The following CTPS2 variants were observed in gnomAD, a reference collection of about 807,000 sequenced individuals.
The protein encoded by CTPS2 is CTP synthase 2, also known as CTP synthase II.
In CTPS2, 19 loss-of-function variants were observed where a neutral mutation model predicts 46.8. The observed-to-expected ratio is 0.41, with a 90% CI of 0.28 to 0.60. The LOEUF (loss-of-function observed/expected upper bound fraction) is 0.60, where lower values mean the gene tolerates loss of function less well. Among genes scored for constraint, CTPS2 ranks in the 20% least tolerant of loss-of-function variants. The pLI is 0.35. For missense variants in CTPS2, 286 were observed against 447.6 expected, an observed-to-expected ratio of 0.64 and a Z score of 3.26; for synonymous variants, 151 against 165.2, an observed-to-expected ratio of 0.91 and a Z score of 0.66.
chrX:16,688,372 C>T (rs2147349307), intron 8 of CTPS2, among the ~76,000 whole-genome samples: 1 of 109,275 alleles, frequency 9.2e-6, no homozygotes, highest in Admixed American at 9.9e-5. Flanking sequence ...TGCACTCCAG[C>T]CTGGGCGACA....
chrX:16,699,560 C>G (rs1166741855), intron 2 of CTPS2, among the ~76,000 whole-genome samples: 1 of 112,578 alleles, frequency 8.9e-6, no homozygotes, highest in East Asian at 2.8e-4. Flanking sequence ...GGGAAAAAGC[C>G]TGTGTGTGCC....
At chrX:16,599,014 C>A (rs920436891) in intron 17 of CTPS2, among the ~76,000 whole-genome samples, 7 of 112,037 alleles carry the variant, frequency 6.2e-5, no homozygotes, top group Non-Finnish European at 1.9e-5. Flanking sequence ...AACAACCCTT[C>A]ATGCTAAAAA....
At chrX:16,610,836 T>C (rs1416481757) in intron 16 of CTPS2, among the ~76,000 whole-genome samples, 2 of 112,584 alleles carry the variant, frequency 1.8e-5, no homozygotes, top group Non-Finnish European at 3.7e-5. Flanking sequence ...GTGGCACATA[T>C]ATACCATGGA....
chrX:16,655,486 A>T (rs868030350), intron 13 of CTPS2, among the ~76,000 whole-genome samples: 10 of 111,456 alleles, frequency 9.0e-5, no homozygotes, highest in African/African-American at 3.3e-4. Context: ...CAGAGGAGGG[A>T]AGGGAACTTT....
chrX:16,596,461 T>C (rs1395813734), intron 17 of CTPS2, among the ~76,000 whole-genome samples: 4 of 108,429 alleles, frequency 3.7e-5, no homozygotes, highest in African/African-American at 1.0e-4. Context: ...TTTGTTCTTG[T>C]GATAGTTTAC....
intron 17 of CTPS2, among the ~76,000 whole-genome samples, chrX:16,608,485 T>C (rs1031839233): frequency 9.0e-6 from 1 of 110,811 alleles, no homozygotes; most frequent in African/African-American, 3.3e-5. Context: ...TCCCAGCTAA[T>C]TGGGAGACTG....
At chrX:16,709,296 C>T (rs1925265745) in intron 1 of CTPS2, among the ~76,000 whole-genome samples, 2 of 109,041 alleles carry the variant, frequency 1.8e-5, no homozygotes, top group Admixed American at 9.8e-5. Context: ...GGTGTGGTGG[C>T]GTGCACCTGT....
rs377292018 is a variant in CTPS2 at position 16,589,441 on chromosome X, C to G, written c.*376G>C. 2.7e-5 allele frequency: 3 copies of G among 112,431 alleles called. No individual in the cohort carries two copies. The East Asian group carries it at 8.4e-4, about 31-fold the overall frequency. The allele number at this position is 112,431 out of a possible 1,213,427, so 9.3% of individuals were successfully genotyped here. A position where few individuals can be genotyped will look rare whatever the true frequency, so the allele number is the denominator to read the frequency against. On this transcript the variant is annotated 3_prime_UTR_variant, in exon 19 of 19. Transcript: ENST00000359276. ...CTCAAAATTACTTACAGCATGTTCC[C>G]TGCCATCCTTTCCATACAACACAGC...
At chrX:16,655,243 C>T (rs1159291781) in intron 13 of CTPS2, among the ~76,000 whole-genome samples, 2 of 112,243 alleles carry the variant, frequency 1.8e-5, no homozygotes, top group Admixed American at 1.9e-4. Context: ...GACCTAGAGG[C>T]GGCCCCACTC....
intron 14 of CTPS2, among the ~76,000 whole-genome samples, chrX:16,636,768 C>T (rs1602173013): frequency 9.3e-6 from 1 of 107,816 alleles, no homozygotes; most frequent in Non-Finnish European, 1.9e-5. Context: ...ACTAAAAATA[C>T]AAAAAAAAAT....
Position 16,667,550 on chromosome X carries a change from A to T in CTPS2, c.1260T>A (p.Asp420Glu). ...GGGCATTTGGCCTAAACTCTGTGGA[A>T]TCAGCATCTGAAGATTAAGAAAAGA... ...ARNCLNLKDADSTEFRPNAPV... is the reference protein window; with the variant it reads ...ARNCLNLKDAESTEFRPNAPV... The change falls in exon 13 of 19, where the codon GAT becomes GAA. Residue 420 changes from aspartate to glutamate, a missense_variant. Physicochemically the swap from Asp to Glu is conservative, Grantham distance 45. Coordinates refer to ENST00000359276, the MANE Select transcript of CTPS2 (RefSeq NM_175859.3). The T allele has an allele frequency of 8.3e-7, 1 of 1,210,960 alleles. No individual in the cohort carries two copies. The highest frequency in any genetic ancestry group is 1.1e-6 in the Non-Finnish European group (1 of 894,626).
intron 14 of CTPS2, among the ~76,000 whole-genome samples, chrX:16,620,686 G>A (rs1423887839): frequency 5.4e-5 from 6 of 112,033 alleles, no homozygotes; most frequent in African/African-American, 2.0e-4. Context: ...GATTTGTAAT[G>A]AGCCTCATTT....
intron 16 of CTPS2, among the ~76,000 whole-genome samples, chrX:16,614,746 A>G: frequency 9.0e-6 from 1 of 110,631 alleles, no homozygotes; most frequent in Non-Finnish European, 1.9e-5. Context: ...GCCGCTACAA[A>G]AAAAATTTAA....
rs184798852 is a variant in CTPS2, at chrX:16,646,084, G to A, written c.1297-6841C>T. ...CAAAGGCCTATATCATTTTCATCAG[G>A]AAAAGAACTTTCTTACACCTCAGAA... On this transcript the variant is annotated intron_variant, in intron 13 of 18. Transcript: ENST00000359276. Among the ~76,000 whole-genome samples the A allele has an allele frequency of 5.1e-4, 57 of 112,809 alleles. 2 individuals carry two copies. In the East Asian group the frequency reaches 0.015, roughly 30 times the overall value.
intron 8 of CTPS2, among the ~76,000 whole-genome samples, chrX:16,687,649 C>A (rs1428158612): frequency 2.7e-5 from 3 of 110,922 alleles, no homozygotes; most frequent in Non-Finnish European, 5.7e-5. Flanking sequence ...GCACTTTAAG[C>A]ACTCTAGAGA....
At chrX:16,704,411 A>G (rs1232314819) in intron 1 of CTPS2, among the ~76,000 whole-genome samples, 1 of 112,358 alleles carries the variant, frequency 8.9e-6, no homozygotes, top group African/African-American at 3.2e-5. Context: ...AATCTGAAAA[A>G]CATACATACT....
At chrX:16,594,307 T>A (rs1175110026) in intron 17 of CTPS2, among the ~76,000 whole-genome samples, 1 of 111,026 alleles carries the variant, frequency 9.0e-6, no homozygotes, top group East Asian at 2.8e-4. Flanking sequence ...TGGGCTCATA[T>A]CTTCCCCCCA....
chrX:16,615,178 G>GAA (rs772600805), intron 16 of CTPS2, among the ~76,000 whole-genome samples: 3 of 100,974 alleles, frequency 3.0e-5, no homozygotes, highest in Non-Finnish European at 6.1e-5. Flanking sequence ...TTCATCTCAA[G>GAA]AAAAAAAAAA....
chrX:16,593,348 G>A (rs1406186468), intron 17 of CTPS2, among the ~76,000 whole-genome samples: 1 of 103,370 alleles, frequency 9.7e-6, no homozygotes, highest in Non-Finnish European at 1.9e-5. Flanking sequence ...AGAATGGCGT[G>A]AACCCGGGAG....
Sources: allele counts gnomAD v4.1 joint callset (sites outside exome capture counted in the v4.1 genomes callset), GRCh38; gene constraint gnomAD v4.1.1; transcripts MANE v1.5; gene names NCBI Gene and HGNC (gene_info 2026-07-23, HGNC 2026-07-21).